COX5A: variants seen among roughly 807,000 people sequenced by gnomAD.
COX5A encodes the protein cytochrome c oxidase subunit 5A.
In COX5A, 6 loss-of-function variants were observed where a neutral mutation model predicts 16.1. The observed-to-expected ratio is 0.37, with a 90% CI of 0.20 to 0.73. The LOEUF (loss-of-function observed/expected upper bound fraction) is 0.73. Ranked by LOEUF, COX5A falls within the 30% of genes least tolerant of loss-of-function variation. The probability of loss-of-function intolerance (pLI) is 0.50; values close to 1 mark genes in which losing one functional copy is unlikely to be tolerated. For synonymous variants in COX5A, 73 were observed against 73.8 expected (o/e 0.99, Z 0.06); for missense variants, 159 against 194.9 (o/e 0.82, Z 1.10).
At chr15:74,934,800 CTTGAAAGGCAAATTAT>C (rs924165504) in intron 1 of COX5A, among the ~76,000 whole-genome samples, 64 of 152,232 alleles carry the variant, frequency 4.2e-4, no homozygotes, top group African/African-American at 1.5e-3. Flanking sequence ...AGTATTGAAG[CTTGAAAGGCAAATTAT>C]TTTGGAAAAC....
chr15:74,923,370 C>T (rs1163500394), intron 4 of COX5A, among the ~76,000 whole-genome samples: 1 of 151,280 alleles, frequency 6.6e-6, no homozygotes, highest in Non-Finnish European at 1.5e-5. Flanking sequence ...GCCTAGATTG[C>T]ACCACTGCAC....
At chr15:74,922,295 G>C (rs1231972111) in intron 4 of COX5A, among the ~76,000 whole-genome samples, 1 of 150,840 alleles carries the variant, frequency 6.6e-6, no homozygotes, top group Non-Finnish European at 1.5e-5. Context: ...TGAGGTACAA[G>C]AATCGGCTTG....
chr15:74,921,843 A>G lies in COX5A; in HGVS notation c.*10-1401T>C, dbSNP rs1756098412. Among the ~76,000 whole-genome samples the G allele has an allele frequency of 2.0e-5, 3 of 152,324 alleles. No homozygotes were observed. The South Asian group carries it at 6.2e-4, about 32-fold the overall frequency. The stretch of plus-strand genomic sequence containing the variant: ...AGAAGTCAAAACCATTGCATATATT[A>G]TAAAGATGAGCTACTTCAGGGAGGT... On this transcript the variant is annotated intron_variant, in intron 4 of 4. Transcript: ENST00000322347.
At chr15:74,924,972 T>C (rs1279142924) in intron 3 of COX5A, among the ~76,000 whole-genome samples, 1 of 152,326 alleles carries the variant, frequency 6.6e-6, no homozygotes, top group East Asian at 1.9e-4. Flanking sequence ...CTGTAATATA[T>C]AGTTACACCT....
intron 2 of COX5A, among the ~76,000 whole-genome samples, chr15:74,927,147 C>T (rs929451690): frequency 1.3e-5 from 2 of 151,068 alleles, no homozygotes; most frequent in Admixed American, 6.6e-5. Context: ...TTTTTTTTTT[C>T]CCCTTTGAGA....
intron 4 of COX5A, 124 bp downstream of exon 4, chr15:74,923,524 T>C (rs2065330843): frequency 7.5e-6 from 4 of 533,988 alleles, no homozygotes; most frequent in Non-Finnish European, 1.3e-5. Context: ...TCAAAATCTC[T>C]TCATGCTCAC....
intron 1 of COX5A, among the ~76,000 whole-genome samples, chr15:74,931,052 A>T (rs2141273470): frequency 6.9e-6 from 1 of 143,958 alleles, no homozygotes; most frequent in African/African-American, 2.6e-5. Flanking sequence ...AAAAATTCTC[A>T]TGTTATTATA....
chr15:74,932,400 C>T (rs1006626600), intron 1 of COX5A, among the ~76,000 whole-genome samples: 2 of 152,074 alleles, frequency 1.3e-5, no homozygotes, highest in East Asian at 1.9e-4. Context: ...AGCAATCCTA[C>T]CACTCCCAAA....
intron 1 of COX5A, among the ~76,000 whole-genome samples, chr15:74,934,963 T>C (rs139918661): frequency 6.6e-6 from 1 of 152,266 alleles, no homozygotes; most frequent in East Asian, 1.9e-4. Context: ...AGTTAAGCAC[T>C]CCATTTAAAA....
At chr15:74,925,287 C>G (rs2065338490) in intron 3 of COX5A, among the ~76,000 whole-genome samples, 1 of 152,020 alleles carries the variant, frequency 6.6e-6, no homozygotes, top group Non-Finnish European at 1.5e-5. Flanking sequence ...GCTTGGGCGA[C>G]AGAGTGAGAC....
intron 1 of COX5A, among the ~76,000 whole-genome samples, chr15:74,929,995 C>T (rs957391980): frequency 6.6e-5 from 10 of 151,762 alleles, no homozygotes; most frequent in Non-Finnish European, 1.5e-4. Flanking sequence ...AGGAGAATGG[C>T]GTGAACCTGG....
In COX5A at chr15:74,929,140, T is replaced by C; in HGVS notation, c.193A>G (p.Ile65Val). ...CCTTTACGCAATTCCCAGGCATCTA[T>C]ATCTGGCTTGTTGAAGTATGTTACC... Reference protein sequence around the residue: ...RWVTYFNKPDIDAWELRKGIN... With the variant: ...RWVTYFNKPDVDAWELRKGIN... Residue 65 changes from isoleucine to valine, a missense_variant, in exon 2 of 5, where the codon ATA becomes GTA. Ile to Val is a conservative substitution (Grantham distance 29). Coordinates refer to ENST00000322347, the MANE Select transcript of COX5A (RefSeq NM_004255.4). The C allele has an allele frequency of 7.4e-6, 12 of 1,613,264 alleles. No homozygotes were observed. The highest frequency in any genetic ancestry group is 1.0e-5 in the Non-Finnish European group (12 of 1,179,180).
chr15:74,931,619 T>C (rs1416125312), intron 1 of COX5A, among the ~76,000 whole-genome samples: 1 of 148,476 alleles, frequency 6.7e-6, no homozygotes, highest in Non-Finnish European at 1.5e-5. Context: ...AGTGGAACAA[T>C]CTCAGCTCAC....
intron 2 of COX5A, among the ~76,000 whole-genome samples, chr15:74,927,386 T>G (rs909351410): frequency 8.5e-5 from 13 of 152,136 alleles, no homozygotes; most frequent in African/African-American, 3.1e-4. Context: ...CATCTTGGCC[T>G]GGCTGGCCTT....
chr15:74,931,794 T>A (rs1411228714), intron 1 of COX5A, among the ~76,000 whole-genome samples: 2 of 152,092 alleles, frequency 1.3e-5, no homozygotes, highest in Non-Finnish European at 2.9e-5. Flanking sequence ...CCTCCAGTGA[T>A]CTGCCCACCT....
chr15:74,930,148 A>G (rs1257686155), intron 1 of COX5A, among the ~76,000 whole-genome samples: 2 of 151,886 alleles, frequency 1.3e-5, no homozygotes, highest in African/African-American at 2.4e-5. Flanking sequence ...GGCCGGGCGC[A>G]GTGGCTCACG....
chr15:74,927,719 C>G (rs894346858), intron 2 of COX5A, among the ~76,000 whole-genome samples: 2 of 152,028 alleles, frequency 1.3e-5, no homozygotes, highest in Non-Finnish European at 2.9e-5. Context: ...TTGCAGTGAG[C>G]TGAGATCGCG....
intron 3 of COX5A, among the ~76,000 whole-genome samples, chr15:74,924,732 C>G (rs1278537479): frequency 3.9e-5 from 6 of 152,120 alleles, no homozygotes; most frequent in Admixed American, 3.9e-4. Context: ...ATTAAGTTAA[C>G]GGGAAAAGTT....
At chr15:74,924,663 G>T (rs1255118905) in intron 3 of COX5A, among the ~76,000 whole-genome samples, 2 of 152,204 alleles carry the variant, frequency 1.3e-5, no homozygotes, top group Non-Finnish European at 2.9e-5. Context: ...TGGAAAAGAA[G>T]GTAGTGATGA....
Sources: allele counts gnomAD v4.1 joint callset (sites outside exome capture counted in the v4.1 genomes callset), GRCh38; gene constraint gnomAD v4.1.1; transcripts MANE v1.5; gene names NCBI Gene and HGNC (gene_info 2026-07-23, HGNC 2026-07-21).